PRKN: variants seen among roughly 807,000 people sequenced by gnomAD.
PRKN encodes the protein parkin RBR E3 ubiquitin protein ligase.
Under a neutral mutation model 59.5 loss-of-function variants are expected in PRKN, and 56 were observed. That is an observed-to-expected ratio of 0.94 (90% CI 0.76 to 1.18). The LOEUF is 1.18. PRKN is among the 50% of genes most tolerant of loss of function. The probability of loss-of-function intolerance (pLI) is 0.00; values close to 1 mark genes in which losing one functional copy is unlikely to be tolerated. For missense variants in PRKN, 657 were observed against 596.4 expected, an observed-to-expected ratio of 1.10 and a Z score of -1.06; for synonymous variants, 250 against 222.1, an observed-to-expected ratio of 1.13 and a Z score of -1.12.
chr6:162,213,219 T>G (rs1777471802), intron 3 of PRKN, among the ~76,000 whole-genome samples: 1 of 152,060 alleles, frequency 6.6e-6, no homozygotes, highest in African/African-American at 2.4e-5. Context: ...TAAAAACCTA[T>G]CAAGATGCCA....
chr6:162,382,361 A>C (rs1786538039), intron 2 of PRKN, among the ~76,000 whole-genome samples: 1 of 152,284 alleles, frequency 6.6e-6, no homozygotes, highest in African/African-American at 2.4e-5. Flanking sequence ...AGAGATACTA[A>C]GGGTTCAGTT....
chr6:162,284,120 T>C (rs1781057021), intron 2 of PRKN, among the ~76,000 whole-genome samples: 1 of 152,070 alleles, frequency 6.6e-6, no homozygotes, highest in Admixed American at 6.6e-5. Flanking sequence ...TTCTTGGCTC[T>C]TGGGCTTTCA....
Position 161,428,631 on chromosome 6 carries a change from C to T in PRKN, c.1084-41754G>A, listed in dbSNP as rs954248478. ...AGTGTTTTTCCACACATCTGAAGGG[C>T]GATTCTTTGTCAACTGCTACTGTCT... On this transcript the variant is annotated intron_variant, in intron 9 of 11. Transcript: ENST00000366898. This position sits in a 1 kb window ranked among gnomAD's most constrained non-coding sequence, Gnocchi z 4.0. 3.3e-5 allele frequency among the ~76,000 whole-genome samples: 5 copies of T among 152,148 alleles called. No homozygotes were observed. Among genetic ancestry groups the T allele is most frequent in the Admixed American group, 2.0e-4 (3 of 15,274 alleles).
intron 9 of PRKN, among the ~76,000 whole-genome samples, chr6:161,416,120 T>G (rs1198187905): frequency 6.6e-6 from 1 of 152,172 alleles, no homozygotes; most frequent in Non-Finnish European, 1.5e-5. Context: ...GGAAATGCTC[T>G]GACACAGAGG....
intron 6 of PRKN, among the ~76,000 whole-genome samples, chr6:161,812,752 A>G (rs954517362): frequency 6.6e-6 from 1 of 152,264 alleles, no homozygotes; most frequent in African/African-American, 2.4e-5. Flanking sequence ...TGGCAAGGAT[A>G]TAGAGAAACT....
In PRKN at chr6:161,765,871, G is replaced by A. The variant is rs138334745; in HGVS notation, c.871+19901C>T. ...AAAGTAAACAGTCTCTAACTGAAACGAGCATGTTCAAATTAAAATAGGGAG... is the reference window on the plus strand; with the variant it reads ...AAAGTAAACAGTCTCTAACTGAAACAAGCATGTTCAAATTAAAATAGGGAG... On this transcript the variant is annotated intron_variant, in intron 7 of 11. Transcript: ENST00000366898. Among the ~76,000 whole-genome samples, 475 of 152,252 alleles carry A rather than the reference G, an allele frequency of 3.1e-3. 1 individual carries two copies. Among genetic ancestry groups the A allele is most frequent in the Middle Eastern group, 0.017 (5 of 294 alleles).
At chr6:162,219,225 C>T (rs911866209) in intron 3 of PRKN, among the ~76,000 whole-genome samples, 1 of 151,976 alleles carries the variant, frequency 6.6e-6, no homozygotes, top group African/African-American at 2.4e-5. Flanking sequence ...AAGAAATCAG[C>T]CAAAGACTTC....
intron 1 of PRKN, among the ~76,000 whole-genome samples, chr6:162,585,858 T>C (rs1189580130): frequency 3.3e-5 from 5 of 149,782 alleles, no homozygotes; most frequent in South Asian, 2.1e-4. Flanking sequence ...CGTGCCACCA[T>C]GCCCGGCTAA....
intron 7 of PRKN, among the ~76,000 whole-genome samples, chr6:161,732,519 T>C (rs969679500): frequency 1.3e-5 from 2 of 151,462 alleles, no homozygotes; most frequent in Admixed American, 1.3e-4. Flanking sequence ...AATTCACTTT[T>C]ATATTTCCGA....
Position 162,338,946 on chromosome 6 carries a change from C to T in PRKN, c.172-76181G>A, listed in dbSNP as rs1294643250. Among the ~76,000 whole-genome samples, 3 of 151,436 alleles carry T rather than the reference C, an allele frequency of 2.0e-5. No individual in the cohort carries two copies. In the East Asian group the frequency reaches 6.0e-4, roughly 30 times the overall value. On this transcript the variant is annotated intron_variant, in intron 2 of 11. Transcript: ENST00000366898. ...AGGAGCGCCTCTGCCCGGCCGCGAC[C>T]CCGTCTGGGAGGTGAGGAGCGTCTC... is the stretch of plus-strand genomic sequence containing the variant.
intron 4 of PRKN, among the ~76,000 whole-genome samples, chr6:162,092,299 A>G (rs554483171): frequency 7.2e-5 from 11 of 152,174 alleles, no homozygotes; most frequent in Non-Finnish European, 1.0e-4. Flanking sequence ...AGTTGCAGTG[A>G]GCTGATATTG....
At chr6:161,867,740 CATTTATTTATTT>C (rs58083987) in intron 6 of PRKN, among the ~76,000 whole-genome samples, 3 of 137,606 alleles carry the variant, frequency 2.2e-5, no homozygotes, top group Admixed American at 1.4e-4. Context: ...AAAAATCTTT[CATTTATTTATTT>C]ATTTATTTAT....
intron 5 of PRKN, among the ~76,000 whole-genome samples, chr6:161,978,364 T>G (rs1781133458): frequency 6.6e-6 from 1 of 152,222 alleles, no homozygotes; most frequent in Non-Finnish European, 1.5e-5. Context: ...TGGTCATTTC[T>G]GCTCCTGTAC....
At position 161,447,605 on chromosome 6, in the gene PRKN, T is replaced by A. The variant is rs1394451108; in HGVS notation, c.1084-60728A>T. Among the ~76,000 whole-genome samples the A allele has an allele frequency of 3.3e-5, 5 of 152,166 alleles. No individual in the cohort carries two copies. On this transcript the variant is annotated intron_variant, in intron 9 of 11. Coordinates refer to ENST00000366898, the MANE Select transcript of PRKN (RefSeq NM_004562.3). The surrounding 1 kb of genome is among the most constrained non-coding windows in gnomAD (Gnocchi z 4.1). ...GCCTCCCGGGTTCAAGCGATGCTCC[T>A]GCCTCAGCCTCCCGAGTAGCTGGGA...
chr6:162,035,844 T>C (rs2128280474), intron 5 of PRKN, among the ~76,000 whole-genome samples: 1 of 152,332 alleles, frequency 6.6e-6, no homozygotes, highest in South Asian at 2.1e-4. Context: ...AAGTAATTTG[T>C]AGATTTTTGG....
intron 2 of PRKN, among the ~76,000 whole-genome samples, chr6:162,401,101 A>T (rs1787770726): frequency 6.6e-6 from 1 of 152,172 alleles, no homozygotes; most frequent in African/African-American, 2.4e-5. Context: ...AAGTGTTTTT[A>T]AAAACAAGGA....
intron 2 of PRKN, among the ~76,000 whole-genome samples, chr6:162,290,893 A>G (rs1215165251): frequency 1.3e-5 from 2 of 152,200 alleles, no homozygotes; most frequent in Non-Finnish European, 2.9e-5. Context: ...TCTAAAAATG[A>G]ACATAATGCT....
chr6:161,725,374 GA>G (rs531169967), intron 7 of PRKN, among the ~76,000 whole-genome samples: 164 of 152,200 alleles, frequency 1.1e-3, no homozygotes, highest in Non-Finnish European at 1.8e-3. Context: ...ATAAAAGTAA[GA>G]ACTACATTAC....
At chr6:162,212,367 C>A (rs1269437534) in intron 3 of PRKN, among the ~76,000 whole-genome samples, 1 of 147,064 alleles carries the variant, frequency 6.8e-6, no homozygotes, top group South Asian at 2.4e-4. Flanking sequence ...GAATGTTGTC[C>A]CAGGAAGACA....
Sources: gnomAD v4.1 joint callset for allele counts (sites outside exome capture counted in the v4.1 genomes callset) on GRCh38, gnomAD v4.1.1 for gene constraint, Gnocchi (gnomAD v3.1) non-coding constraint, MANE v1.5 for transcripts, NCBI Gene and HGNC (gene_info 2026-07-23, HGNC 2026-07-21) for gene names.